The following TMEM135 variants were observed in gnomAD, a reference collection of about 807,000 sequenced individuals.
TMEM135 encodes peroxisomal membrane protein 52.
TMEM135 carries 30 observed loss-of-function variants against 60.3 expected under a neutral mutation model. The ratio of observed to expected loss-of-function variants is 0.50; its 90% CI spans 0.37 to 0.68. TMEM135 has a LOEUF of 0.68. TMEM135 is among the 30% of genes least tolerant of loss of function. The pLI, the probability that TMEM135 is intolerant of heterozygous loss-of-function variation, is 0.00. For missense variants in TMEM135, 468 were observed against 548.8 expected, an observed-to-expected ratio of 0.85 and a Z score of 1.47; for synonymous variants, 190 against 186.7, an observed-to-expected ratio of 1.02 and a Z score of -0.14.
At chr11:87,289,357 C>T (rs1591172135) in intron 6 of TMEM135, among the ~76,000 whole-genome samples, 1 of 151,096 alleles carries the variant, frequency 6.6e-6, no homozygotes, top group East Asian at 2.0e-4. Flanking sequence ...CTATAGTCAT[C>T]CTACAGTGAT....
intron 3 of TMEM135, among the ~76,000 whole-genome samples, chr11:87,073,723 A>G (rs912139898): frequency 2.0e-5 from 3 of 151,476 alleles, no homozygotes; most frequent in African/African-American, 4.9e-5. Flanking sequence ...GCTGGAGTGC[A>G]ATGGTGCAAT....
chr11:87,098,885 TCA>T (rs1475281591), intron 4 of TMEM135, among the ~76,000 whole-genome samples: 2 of 152,120 alleles, frequency 1.3e-5, no homozygotes, highest in Non-Finnish European at 2.9e-5. Context: ...AGATGGGGTT[TCA>T]CCATGTCAGC....
chr11:87,276,217 ATCC>A (rs1199487460), intron 6 of TMEM135, among the ~76,000 whole-genome samples: 1 of 152,176 alleles, frequency 6.6e-6, no homozygotes, highest in Non-Finnish European at 1.5e-5. Flanking sequence ...TAAACATTTA[ATCC>A]TCAATACATT....
At chr11:87,145,749 G>A (rs1938397389) in intron 4 of TMEM135, among the ~76,000 whole-genome samples, 1 of 151,674 alleles carries the variant, frequency 6.6e-6, no homozygotes, top group Admixed American at 6.6e-5. Context: ...GTCTATTCAG[G>A]TCACTTATCC....
At chr11:87,210,896 A>G (rs890267077) in intron 5 of TMEM135, among the ~76,000 whole-genome samples, 1 of 152,182 alleles carries the variant, frequency 6.6e-6, no homozygotes, top group Non-Finnish European at 1.5e-5. Flanking sequence ...AATGAAAACA[A>G]TGTGATCATT....
chr11:87,298,863 A>G (rs1284403771), intron 7 of TMEM135, among the ~76,000 whole-genome samples: 3 of 151,348 alleles, frequency 2.0e-5, no homozygotes, highest in African/African-American at 7.3e-5. Context: ...CAAGGCAGGT[A>G]GATCACGAGG....
chr11:87,205,816 A>AAC (rs1402522544), intron 5 of TMEM135, among the ~76,000 whole-genome samples: 1 of 152,168 alleles, frequency 6.6e-6, no homozygotes, highest in Admixed American at 6.5e-5. Context: ...TCTGTGCCAC[A>AAC]TTCTCTGCCT....
At position 87,321,215 on chromosome 11, in the gene TMEM135, A is replaced by G. The variant is rs1204412203; in HGVS notation, c.1259A>G (p.Asn420Ser). 6.2e-7 allele frequency: 1 copy of G among 1,613,418 alleles called. No homozygotes were observed. The highest frequency in any genetic ancestry group is 2.2e-5 in the East Asian group (1 of 44,860). The change falls in exon 15 of 15, where the codon AAC becomes AGC. Residue 420 changes from asparagine to serine, a missense_variant. Asn to Ser is a conservative substitution (Grantham distance 46, BLOSUM62 1). Coordinates refer to ENST00000305494, the MANE Select transcript of TMEM135 (RefSeq NM_022918.4). ...TTGTTTTACAGATTTGCTGTCATGA[A>G]CCGAAAAGTCCTTGATGTTTTTGGT... ...RLTKGKFAVM[N>S]RKVLDVFGTG...
At chr11:87,044,882 C>T (rs976363304) in intron 1 of TMEM135, among the ~76,000 whole-genome samples, 4 of 151,554 alleles carry the variant, frequency 2.6e-5, no homozygotes, top group African/African-American at 7.3e-5. Flanking sequence ...CTCCTGACCT[C>T]GTGATCCACC....
chr11:87,068,080 C>T (rs1856701780), intron 2 of TMEM135, among the ~76,000 whole-genome samples: 4 of 152,086 alleles, frequency 2.6e-5, no homozygotes, highest in Admixed American at 2.6e-4. Flanking sequence ...ATTCTGAGGC[C>T]TGTTATATTT....
At chr11:87,085,473 A>G (rs1232311788) in intron 3 of TMEM135, among the ~76,000 whole-genome samples, 1 of 152,158 alleles carries the variant, frequency 6.6e-6, no homozygotes, top group Non-Finnish European at 1.5e-5. Flanking sequence ...AAGATGATTT[A>G]GGGCCAGGTG....
At chr11:87,320,787 A>G (rs532715972) in intron 14 of TMEM135, among the ~76,000 whole-genome samples, 1 of 152,254 alleles carries the variant, frequency 6.6e-6, no homozygotes, top group East Asian at 1.9e-4. Context: ...CAATTATGAG[A>G]GAAATTACAT....
At chr11:87,086,830 C>T (rs973055874) in intron 3 of TMEM135, among the ~76,000 whole-genome samples, 2 of 152,182 alleles carry the variant, frequency 1.3e-5, no homozygotes, top group African/African-American at 4.8e-5. Context: ...AGGCTTTAAA[C>T]TATCTTTGGC....
chr11:87,073,569 C>G (rs1031770149), intron 3 of TMEM135, among the ~76,000 whole-genome samples: 1 of 152,196 alleles, frequency 6.6e-6, no homozygotes, highest in African/African-American at 2.4e-5. Flanking sequence ...GATTTTGGAG[C>G]TGTGCTATCT....
At chr11:87,248,844 C>G (rs1325156099) in intron 6 of TMEM135, among the ~76,000 whole-genome samples, 1 of 151,846 alleles carries the variant, frequency 6.6e-6, no homozygotes, top group Non-Finnish European at 1.5e-5. Flanking sequence ...TCGTTAATTC[C>G]TAGGTATTTA....
At chr11:87,045,336 G>A (rs1043597433) in intron 1 of TMEM135, among the ~76,000 whole-genome samples, 4 of 152,080 alleles carry the variant, frequency 2.6e-5, no homozygotes, top group Admixed American at 2.6e-4. Flanking sequence ...GGCTGAAGTT[G>A]TTTTTATATG....
At chr11:87,269,330 A>T (rs1591156033) in intron 6 of TMEM135, among the ~76,000 whole-genome samples, 3 of 87,968 alleles carry the variant, frequency 3.4e-5, no homozygotes, top group Middle Eastern at 6.8e-3. Flanking sequence ...GCAAGTGTGG[A>T]TTTCTTTTCT....
intron 6 of TMEM135, among the ~76,000 whole-genome samples, chr11:87,250,972 G>A (rs1391287416): frequency 6.6e-6 from 1 of 152,152 alleles, no homozygotes; most frequent in Non-Finnish European, 1.5e-5. Flanking sequence ...ATGATACGGT[G>A]GAGAGTAGGT....
At chr11:87,300,933 T>C (rs879635001) in intron 7 of TMEM135, among the ~76,000 whole-genome samples, 5,473 of 152,286 alleles carry the variant, frequency 0.036, 93 homozygotes, top group Admixed American at 0.046. Context: ...AAATGAACAG[T>C]AAATGAAAGG....
Sources: allele counts gnomAD v4.1 joint callset (sites outside exome capture counted in the v4.1 genomes callset), GRCh38; gene constraint gnomAD v4.1.1; transcripts MANE v1.5; gene names NCBI Gene and HGNC (gene_info 2026-07-23, HGNC 2026-07-21).